The following MMP16 variants were observed in gnomAD, a reference collection of about 807,000 sequenced individuals.
The protein encoded by MMP16 is matrix metallopeptidase 16.
A neutral mutation model predicts 67.8 loss-of-function variants in MMP16; 12 were observed. The ratio of observed to expected loss-of-function variants is 0.18; its 90% CI spans 0.11 to 0.29. The LOEUF is 0.29. MMP16 is among the 10% of genes least tolerant of loss of function. The probability of loss-of-function intolerance (pLI) is 1.00; values close to 1 mark genes in which losing one functional copy is unlikely to be tolerated. For synonymous variants in MMP16, 249 were observed against 255.9 expected, an observed-to-expected ratio of 0.97 and a Z score of 0.26; for missense variants, 475 against 765.7, an observed-to-expected ratio of 0.62 and a Z score of 4.48.
rs529209691 is a variant in MMP16 at position 88,130,959 on chromosome 8, A to G, written c.710-12098T>C. On this transcript the variant is annotated intron_variant, in intron 4 of 9. Transcript: ENST00000286614. ...TGACTCAAAAAAAGGCAAGGGATGT[A>G]AATCCCTAATTGTGAGATTTCTTTT... is the stretch of plus-strand genomic sequence containing the variant. Among the ~76,000 whole-genome samples, 8 of 151,930 alleles carry G rather than the reference A, an allele frequency of 5.3e-5. No individual in the cohort carries two copies. In the South Asian group the frequency reaches 1.7e-3, roughly 31 times the overall value.
chr8:88,308,396 C>T (rs991740375), intron 1 of MMP16, among the ~76,000 whole-genome samples: 3 of 152,060 alleles, frequency 2.0e-5, no homozygotes, highest in Admixed American at 6.6e-5. Context: ...TCAGTGGTTT[C>T]AGGATCATGT....
At chr8:88,295,089 T>C (rs1352354847) in intron 1 of MMP16, among the ~76,000 whole-genome samples, 1 of 152,182 alleles carries the variant, frequency 6.6e-6, no homozygotes, top group Non-Finnish European at 1.5e-5. Context: ...GGGAATAGTG[T>C]TGTAAGTATC....
chr8:88,219,597 A>G (rs1211985705), intron 1 of MMP16, among the ~76,000 whole-genome samples: 1 of 152,088 alleles, frequency 6.6e-6, no homozygotes, highest in Non-Finnish European at 1.5e-5. Context: ...AAACAGAGAC[A>G]CCCTCAGCTA....
At chr8:88,260,050 C>G (rs573373010) in intron 1 of MMP16, among the ~76,000 whole-genome samples, 1 of 151,844 alleles carries the variant, frequency 6.6e-6, no homozygotes, top group Non-Finnish European at 1.5e-5. Context: ...GCTACATATT[C>G]AAAAAATGCA....
At chr8:88,283,494 C>T (rs1810774092) in intron 1 of MMP16, among the ~76,000 whole-genome samples, 1 of 152,156 alleles carries the variant, frequency 6.6e-6, no homozygotes. Context: ...ACACGATAGG[C>T]ATAATGTGGT....
intron 1 of MMP16, among the ~76,000 whole-genome samples, chr8:88,240,487 G>C (rs143143187): frequency 6.6e-6 from 1 of 152,170 alleles, no homozygotes; most frequent in Admixed American, 6.5e-5. Context: ...AAAAGCAGGT[G>C]AGGCAAGATG....
At chr8:88,117,219 T>C (rs1198634655) in intron 5 of MMP16, among the ~76,000 whole-genome samples, 1 of 152,174 alleles carries the variant, frequency 6.6e-6, no homozygotes, top group Admixed American at 6.5e-5. Context: ...TTTTATTGAT[T>C]TTCACTGTTT....
intron 1 of MMP16, among the ~76,000 whole-genome samples, chr8:88,229,015 G>A (rs568022181): frequency 1.4e-3 from 205 of 150,126 alleles, no homozygotes; most frequent in Non-Finnish European, 2.5e-3. Context: ...AAAAAAAAAT[G>A]TTGGGTGTGG....
chr8:88,153,842 C>G lies in MMP16; in HGVS notation c.709+13827G>C, dbSNP rs1808455850. Among the ~76,000 whole-genome samples, 3 of 151,830 alleles carry G rather than the reference C, an allele frequency of 2.0e-5. No homozygotes were observed. The South Asian group carries it at 6.2e-4, about 31-fold the overall frequency. ...ATGTCCAAAACACCAAAAGCAATGG[C>G]AACAAAAGCCAAAAGTGACAAATGG... On this transcript the variant is annotated intron_variant, in intron 4 of 9. Coordinates refer to ENST00000286614, the MANE Select transcript of MMP16 (RefSeq NM_005941.5).
chr8:88,172,599 A>C (rs563805271), intron 3 of MMP16, among the ~76,000 whole-genome samples: 12 of 152,324 alleles, frequency 7.9e-5, no homozygotes, highest in African/African-American at 2.6e-4. Context: ...AAAGACACTG[A>C]CTTAAAATGA....
chr8:88,092,826 T>C (rs1285254440), intron 6 of MMP16, among the ~76,000 whole-genome samples: 2 of 152,020 alleles, frequency 1.3e-5, no homozygotes, highest in African/African-American at 4.8e-5. Context: ...AAGTTTCATA[T>C]TGTATGTGTA....
chr8:88,313,073 A>C (rs967725441), intron 1 of MMP16, among the ~76,000 whole-genome samples: 2 of 152,218 alleles, frequency 1.3e-5, no homozygotes, highest in African/African-American at 4.8e-5. Context: ...TTGTTCACTC[A>C]GCCTAATTGT....
At chr8:88,124,378 A>G (rs1437435190) in intron 4 of MMP16, among the ~76,000 whole-genome samples, 1 of 151,966 alleles carries the variant, frequency 6.6e-6, no homozygotes, top group African/African-American at 2.4e-5. Flanking sequence ...TTACCATTCT[A>G]CAGACTGAGA....
intron 1 of MMP16, among the ~76,000 whole-genome samples, chr8:88,212,795 A>G (rs138729870): frequency 2.6e-5 from 4 of 152,276 alleles, no homozygotes; most frequent in African/African-American, 9.6e-5. Flanking sequence ...AGATAGGAAG[A>G]GGTGCACATA....
chr8:88,130,207 A>G (rs546576350), intron 4 of MMP16, among the ~76,000 whole-genome samples: 1 of 151,896 alleles, frequency 6.6e-6, no homozygotes, highest in East Asian at 1.9e-4. Context: ...GTGCAGTCAA[A>G]ATTAGCGAGG....
rs552944016 is a variant in MMP16, at chr8:88,175,322, TA to T, written c.405-7350del. On this transcript the variant is annotated intron_variant, in intron 3 of 9. Transcript: ENST00000286614. ...AATTCCTGTCTGCATATTGTCAGGGTACAGTTCAGCTATCCTTTTCAGGAAT... is the reference window on the plus strand; with the variant it reads ...AATTCCTGTCTGCATATTGTCAGGGTCAGTTCAGCTATCCTTTTCAGGAAT... Among the ~76,000 whole-genome samples, 84 of 152,292 alleles carry T rather than the reference TA, an allele frequency of 5.5e-4. 1 individual carries two copies. The East Asian group carries it at 0.016, about 28-fold the overall frequency.
intron 6 of MMP16, among the ~76,000 whole-genome samples, chr8:88,080,651 G>T (rs1449276783): frequency 6.6e-6 from 1 of 152,062 alleles, no homozygotes; most frequent in Non-Finnish European, 1.5e-5. Context: ...GGCCAGGCTG[G>T]TCTTGAACTC....
At chr8:88,094,024 G>T (rs1808983909) in intron 6 of MMP16, among the ~76,000 whole-genome samples, 1 of 151,696 alleles carries the variant, frequency 6.6e-6, no homozygotes, top group African/African-American at 2.4e-5. Flanking sequence ...GTATAAGGCG[G>T]GTCTGTCTTG....
At chr8:88,138,320 C>T (rs1291289407) in intron 4 of MMP16, among the ~76,000 whole-genome samples, 1 of 151,870 alleles carries the variant, frequency 6.6e-6, no homozygotes, top group East Asian at 1.9e-4. Context: ...CTCTAGATGT[C>T]CCAACTGTGC....
Sources: allele counts gnomAD v4.1 joint callset (sites outside exome capture counted in the v4.1 genomes callset), GRCh38; gene constraint gnomAD v4.1.1; transcripts MANE v1.5; gene names NCBI Gene and HGNC (gene_info 2026-07-23, HGNC 2026-07-21).